The following FSTL5 variants were observed in gnomAD, a reference collection of about 807,000 sequenced individuals.
The protein encoded by FSTL5 is follistatin like 5.
In FSTL5, 62 loss-of-function variants were observed where a neutral mutation model predicts 89.1. The observed-to-expected ratio is 0.70, with a 90% CI of 0.57 to 0.86. The LOEUF (loss-of-function observed/expected upper bound fraction) is 0.86, where lower values mean the gene tolerates loss of function less well. FSTL5 is among the 40% of genes least tolerant of loss of function. FSTL5 has a pLI of 0.00. For missense variants in FSTL5, 1,057 were observed against 1,001.6 expected (o/e 1.06, Z -0.75); for synonymous variants, 383 against 346.2 (o/e 1.11, Z -1.18).
chr4:161,796,365 T>C (rs1044011679), intron 4 of FSTL5, among the ~76,000 whole-genome samples: 3 of 151,444 alleles, frequency 2.0e-5, no homozygotes, highest in Admixed American at 1.3e-4. Flanking sequence ...TTCTCAGTGG[T>C]TGACTACAGT....
At chr4:162,151,742 C>G (rs1733233775) in intron 1 of FSTL5, among the ~76,000 whole-genome samples, 1 of 152,128 alleles carries the variant, frequency 6.6e-6, no homozygotes, top group Non-Finnish European at 1.5e-5. Context: ...AAATAGGACA[C>G]AGCAATTTCA....
At chr4:161,583,299 C>T (rs1733497770) in intron 8 of FSTL5, among the ~76,000 whole-genome samples, 1 of 152,192 alleles carries the variant, frequency 6.6e-6, no homozygotes, top group Non-Finnish European at 1.5e-5. Context: ...TACAGAATTT[C>T]CACAGCCATT....
In FSTL5 at chr4:161,667,447, G is replaced by A. The variant is rs1579006864; in HGVS notation, c.728-10953C>T. Among the ~76,000 whole-genome samples, 5 of 152,172 alleles carry A rather than the reference G, an allele frequency of 3.3e-5. No individual in the cohort carries two copies. The East Asian group carries it at 9.6e-4, about 29-fold the overall frequency. ...GAAAAATTCAAGAATGCAGATAACA[G>A]AATGACTTTAACATTCTAAGTACAT... On this transcript the variant is annotated intron_variant, in intron 6 of 15. Coordinates refer to ENST00000306100, the MANE Select transcript of FSTL5 (RefSeq NM_020116.5).
chr4:161,391,369 G>T (rs2110876482), intron 15 of FSTL5, among the ~76,000 whole-genome samples: 1 of 152,090 alleles, frequency 6.6e-6, no homozygotes, highest in Admixed American at 6.6e-5. Flanking sequence ...TAACTGAAAG[G>T]TAAATGCTGA....
At chr4:161,556,947 T>G (rs1002324955) in intron 8 of FSTL5, among the ~76,000 whole-genome samples, 1 of 151,094 alleles carries the variant, frequency 6.6e-6, no homozygotes, top group African/African-American at 2.4e-5. Context: ...TTATATAAAC[T>G]GATAAACCGA....
chr4:161,441,249 CTG>C (rs1393446471), intron 15 of FSTL5, among the ~76,000 whole-genome samples: 2 of 152,078 alleles, frequency 1.3e-5, no homozygotes, highest in East Asian at 1.9e-4. Flanking sequence ...TTGCTGAAGA[CTG>C]TGATTTGCTT....
At chr4:161,439,336 G>C (rs1337978309) in intron 15 of FSTL5, among the ~76,000 whole-genome samples, 1 of 152,218 alleles carries the variant, frequency 6.6e-6, no homozygotes, top group Non-Finnish European at 1.5e-5. Flanking sequence ...GTGGATGAGT[G>C]AGTTGGAGGC....
intron 3 of FSTL5, among the ~76,000 whole-genome samples, chr4:161,938,338 A>T (rs1008091696): frequency 1.3e-5 from 2 of 152,092 alleles, no homozygotes; most frequent in African/African-American, 4.8e-5. Flanking sequence ...TAATTTATTT[A>T]TTTTATGCAA....
chr4:161,412,003 C>G (rs1181752758), intron 15 of FSTL5, among the ~76,000 whole-genome samples: 13 of 152,108 alleles, frequency 8.5e-5, no homozygotes, highest in Admixed American at 7.9e-4. Flanking sequence ...TTTCACCATA[C>G]AAAATTAATG....
intron 3 of FSTL5, among the ~76,000 whole-genome samples, chr4:162,016,573 C>T (rs13108855): frequency 0.026 from 3,988 of 152,074 alleles, 68 homozygotes; most frequent in Non-Finnish European, 0.042. Flanking sequence ...AGTTTTAATT[C>T]CTTTGGACTT....
At chr4:161,448,371 G>C (rs1371855713) in intron 15 of FSTL5, among the ~76,000 whole-genome samples, 1 of 152,020 alleles carries the variant, frequency 6.6e-6, no homozygotes. Flanking sequence ...GCATTTTAGT[G>C]CTAAAATTGT....
chr4:161,923,915 TAATTAATTCATATGCAATCCA>T (rs968281517), intron 3 of FSTL5, among the ~76,000 whole-genome samples: 1 of 151,814 alleles, frequency 6.6e-6, no homozygotes, highest in African/African-American at 2.4e-5. Context: ...AAACGAAATT[TAATTAATTCATATGCAATCCA>T]AAGAAAGCTC....
At chr4:161,788,588 T>G (rs1040058839) in intron 4 of FSTL5, among the ~76,000 whole-genome samples, 1 of 152,174 alleles carries the variant, frequency 6.6e-6, no homozygotes, top group African/African-American at 2.4e-5. Context: ...GTAAAAACAC[T>G]TTGAAACAAC....
intron 7 of FSTL5, among the ~76,000 whole-genome samples, chr4:161,633,500 C>T (rs1037041431): frequency 6.6e-6 from 1 of 151,780 alleles, no homozygotes; most frequent in Non-Finnish European, 1.5e-5. Context: ...GCACACACCA[C>T]CACACCCAGC....
intron 13 of FSTL5, among the ~76,000 whole-genome samples, chr4:161,473,946 A>T (rs780538147): frequency 5.9e-5 from 9 of 152,168 alleles, no homozygotes; most frequent in Non-Finnish European, 1.3e-4. Context: ...AGCCATTTAT[A>T]TTTAAAGTAC....
chr4:161,695,467 T>C (rs1308527969), intron 6 of FSTL5, among the ~76,000 whole-genome samples: 1 of 76,430 alleles, frequency 1.3e-5, no homozygotes, highest in East Asian at 3.3e-4. Flanking sequence ...ATATATCACA[T>C]ATAGACATAT....
At chr4:161,805,960 TTCTA>T (rs1298598387) in intron 4 of FSTL5, among the ~76,000 whole-genome samples, 1 of 152,140 alleles carries the variant, frequency 6.6e-6, no homozygotes, top group Non-Finnish European at 1.5e-5. Context: ...ATTGTTACAA[TTCTA>T]TCTTATTTTA....
chr4:161,978,355 A>C (rs1046728377), intron 3 of FSTL5, among the ~76,000 whole-genome samples: 4 of 152,144 alleles, frequency 2.6e-5, no homozygotes, highest in African/African-American at 9.6e-5. Context: ...ACAAAACAAA[A>C]AACCCTTTTA....
At chr4:161,704,179 A>G (rs1738494487) in intron 6 of FSTL5, among the ~76,000 whole-genome samples, 1 of 152,012 alleles carries the variant, frequency 6.6e-6, no homozygotes, top group African/African-American at 2.4e-5. Context: ...AGAAACTCAC[A>G]AAAGCCACCA....
Sources: allele counts gnomAD v4.1 joint callset (sites outside exome capture counted in the v4.1 genomes callset), GRCh38; gene constraint gnomAD v4.1.1; transcripts MANE v1.5; gene names NCBI Gene and HGNC (gene_info 2026-07-23, HGNC 2026-07-21).